Variants in PAPPA2 observed in about 807,000 individuals in gnomAD.
The protein encoded by PAPPA2 is pappalysin 2, also known as pappalysin-2.
PAPPA2 carries 86 observed loss-of-function variants against 176.4 expected under a neutral mutation model. The ratio of observed to expected loss-of-function variants is 0.49; its 90% CI spans 0.41 to 0.58. PAPPA2 has a LOEUF of 0.58. Ranked by LOEUF, PAPPA2 falls within the 20% of genes least tolerant of loss-of-function variation. PAPPA2 has a pLI of 0.00. For missense variants in PAPPA2, 2,073 were observed against 2,256.9 expected (o/e 0.92, Z 1.65); for synonymous variants, 809 against 852.2 (o/e 0.95, Z 0.88).
At chr1:176,753,870 T>G (rs1663294160) in intron 14 of PAPPA2, among the ~76,000 whole-genome samples, 1 of 152,130 alleles carries the variant, frequency 6.6e-6, no homozygotes. Context: ...CCAACTTCCT[T>G]TTCCCATAAT....
At chr1:176,803,215 G>A (rs1177945125) in intron 21 of PAPPA2, among the ~76,000 whole-genome samples, 3 of 152,126 alleles carry the variant, frequency 2.0e-5, no homozygotes, top group African/African-American at 7.2e-5. Flanking sequence ...CTCTGTATTG[G>A]GAACTGGGTC....
At chr1:176,781,608 T>C (rs934800075) in intron 17 of PAPPA2, among the ~76,000 whole-genome samples, 4 of 151,984 alleles carry the variant, frequency 2.6e-5, no homozygotes, top group African/African-American at 9.7e-5. Flanking sequence ...TGCAATTTGT[T>C]AGAGGAAAAC....
intron 21 of PAPPA2, among the ~76,000 whole-genome samples, chr1:176,829,475 A>G (rs1272465378): frequency 6.6e-6 from 1 of 152,192 alleles, no homozygotes; most frequent in Non-Finnish European, 1.5e-5. Flanking sequence ...AGGGATGAGC[A>G]CGCATGCTGG....
chr1:176,744,181 C>G (rs970047997), intron 14 of PAPPA2, among the ~76,000 whole-genome samples: 2 of 152,120 alleles, frequency 1.3e-5, no homozygotes, highest in African/African-American at 4.8e-5. Context: ...TTATTAGGAT[C>G]ATACATCTTG....
chr1:176,786,119 A>G (rs1055503638), intron 17 of PAPPA2, among the ~76,000 whole-genome samples: 1 of 152,154 alleles, frequency 6.6e-6, no homozygotes, highest in Non-Finnish European at 1.5e-5. Flanking sequence ...TAAACTCTGC[A>G]GTGTGAAGGA....
At chr1:176,477,769 TA>T (rs1332645493) in intron 1 of PAPPA2, among the ~76,000 whole-genome samples, 1 of 109,766 alleles carries the variant, frequency 9.1e-6, no homozygotes, top group Non-Finnish European at 1.8e-5. Context: ...TAAAAAACAT[TA>T]AAAAATAAAT....
chr1:176,711,198 A>G (rs185800877), intron 11 of PAPPA2, among the ~76,000 whole-genome samples: 8 of 152,278 alleles, frequency 5.3e-5, no homozygotes, highest in Admixed American at 5.2e-4. Flanking sequence ...TATTAATAAA[A>G]AAGTAAGGGG....
intron 15 of PAPPA2, among the ~76,000 whole-genome samples, chr1:176,768,344 A>C (rs2102909647): frequency 6.6e-6 from 1 of 152,200 alleles, no homozygotes; most frequent in Non-Finnish European, 1.5e-5. Flanking sequence ...CGAGGATGGC[A>C]GTTCCTCCTC....
intron 12 of PAPPA2, 52 bp downstream of exon 12, chr1:176,712,033 G>A: frequency 2.9e-6 from 3 of 1,051,794 alleles, no homozygotes; most frequent in South Asian, 2.0e-5. Context: ...AAGCATATGT[G>A]TGTGTGTGTG....
At chr1:176,722,928 C>T (rs1411689306) in intron 12 of PAPPA2, among the ~76,000 whole-genome samples, 1 of 152,162 alleles carries the variant, frequency 6.6e-6, no homozygotes, top group African/African-American at 2.4e-5. Context: ...GTGTTTTAGT[C>T]TGCCTTCTGA....
intron 3 of PAPPA2, among the ~76,000 whole-genome samples, chr1:176,622,107 C>T (rs928392659): frequency 6.6e-6 from 1 of 152,044 alleles, no homozygotes; most frequent in Non-Finnish European, 1.5e-5. Context: ...GAAATATCAG[C>T]TATCTGTAGT....
chr1:176,735,740 C>CT (rs1344309186), intron 12 of PAPPA2, among the ~76,000 whole-genome samples: 1 of 141,178 alleles, frequency 7.1e-6, no homozygotes, highest in Non-Finnish European at 1.6e-5. Context: ...ATCTATCTAT[C>CT]ATCTATCTGT....
rs1447271311 is a variant in PAPPA2, at chr1:176,676,019, C to G, written c.2137+4904C>G. 3.3e-5 allele frequency among the ~76,000 whole-genome samples: 5 copies of G among 151,944 alleles called. 1 individual carries two copies. The highest frequency in any genetic ancestry group is 3.3e-4 in the Admixed American group (5 of 15,238). ...AATCATTAGAGAAGTGCAAATGAAA[C>G]CACAGCAAGGTAACACTACAAACCC... On this transcript the variant is annotated intron_variant, in intron 4 of 22. Coordinates refer to ENST00000367662, the MANE Select transcript of PAPPA2 (RefSeq NM_020318.3).
intron 22 of PAPPA2, among the ~76,000 whole-genome samples, chr1:176,841,645 G>T (rs552008959): frequency 1.3e-5 from 2 of 152,220 alleles, no homozygotes; most frequent in East Asian, 3.9e-4. Flanking sequence ...GTTTGTAGCA[G>T]TGCAAGCAGA....
intron 21 of PAPPA2, among the ~76,000 whole-genome samples, chr1:176,829,847 AG>A (rs1667016924): frequency 6.6e-6 from 1 of 152,182 alleles, no homozygotes; most frequent in Non-Finnish European, 1.5e-5. Flanking sequence ...CCACCTAGAG[AG>A]GTGACCAGAG....
chr1:176,686,440 C>T (rs1659844436), intron 4 of PAPPA2, among the ~76,000 whole-genome samples: 1 of 152,100 alleles, frequency 6.6e-6, no homozygotes, highest in Non-Finnish European at 1.5e-5. Flanking sequence ...CCACCTGGTC[C>T]CACTCTTGAC....
At chr1:176,584,584 G>T (rs1653190490) in intron 2 of PAPPA2, among the ~76,000 whole-genome samples, 1 of 151,814 alleles carries the variant, frequency 6.6e-6, no homozygotes, top group Non-Finnish European at 1.5e-5. Flanking sequence ...AATCCCTTTG[G>T]TCAATCTATA....
At chr1:176,632,262 T>TGTGA (rs1491033344) in intron 3 of PAPPA2, among the ~76,000 whole-genome samples, 3 of 149,962 alleles carry the variant, frequency 2.0e-5, no homozygotes, top group African/African-American at 7.4e-5. Flanking sequence ...TGTGTGTGTG[T>TGTGA]GAGAACAGCT....
intron 21 of PAPPA2, among the ~76,000 whole-genome samples, chr1:176,833,149 T>G (rs1667143194): frequency 1.3e-5 from 2 of 152,242 alleles, no homozygotes; most frequent in South Asian, 4.1e-4. Flanking sequence ...GTTTGTAGAT[T>G]CCACCCTTGC....
Sources: allele counts gnomAD v4.1 joint callset (sites outside exome capture counted in the v4.1 genomes callset), GRCh38; gene constraint gnomAD v4.1.1; transcripts MANE v1.5; gene names NCBI Gene and HGNC (gene_info 2026-07-23, HGNC 2026-07-21).